PTPRD: variants seen among roughly 807,000 people sequenced by gnomAD.
PTPRD encodes the protein receptor-type tyrosine-protein phosphatase delta.
PTPRD carries 34 observed loss-of-function variants against 214.5 expected under a neutral mutation model. The observed-to-expected ratio is 0.16, with a 90% CI of 0.12 to 0.21. PTPRD has a LOEUF of 0.21. Ranked by LOEUF, PTPRD falls within the 10% of genes least tolerant of loss-of-function variation. PTPRD has a pLI of 1.00. For synonymous variants in PTPRD, 1,128 were observed against 845.7 expected (o/e 1.33, Z -5.79); for missense variants, 2,545 against 2,398.7 (o/e 1.06, Z -1.27).
chr9:10,071,647 G>A (rs1012894814), intron 3 of PTPRD, among the ~76,000 whole-genome samples: 2 of 151,846 alleles, frequency 1.3e-5, no homozygotes, highest in Admixed American at 1.3e-4. Flanking sequence ...AAGGATTGTA[G>A]GTCTAAAAAT....
At chr9:8,408,018 GA>G (rs1424818206) in intron 35 of PTPRD, among the ~76,000 whole-genome samples, 3 of 152,138 alleles carry the variant, frequency 2.0e-5, no homozygotes, top group African/African-American at 7.2e-5. Flanking sequence ...ATATTACTAA[GA>G]CAAAGAGATC....
intron 8 of PTPRD, among the ~76,000 whole-genome samples, chr9:9,433,288 C>G (rs2083940283): frequency 6.6e-6 from 1 of 152,096 alleles, no homozygotes; most frequent in Admixed American, 6.6e-5. Flanking sequence ...AAGTGTTGAT[C>G]TGGGATCAGT....
At chr9:10,363,621 G>A (rs2097439943) in intron 2 of PTPRD, among the ~76,000 whole-genome samples, 1 of 152,082 alleles carries the variant, frequency 6.6e-6, no homozygotes, top group South Asian at 2.1e-4. Context: ...TTAACCATTT[G>A]AAAAGGCAAG....
chr9:9,063,716 T>C (rs1468833419), intron 10 of PTPRD, among the ~76,000 whole-genome samples: 3 of 152,092 alleles, frequency 2.0e-5, no homozygotes, highest in Admixed American at 2.0e-4. Context: ...ACTAGATATG[T>C]TTAAAAGAAA....
chr9:9,929,916 G>A (rs12683380), intron 5 of PTPRD, among the ~76,000 whole-genome samples: 39,383 of 152,062 alleles, frequency 0.26, 5,814 homozygotes, highest in Middle Eastern at 0.46. Context: ...GATTTTGGAT[G>A]ACATGGGTCA....
rs146589803 is a variant in PTPRD, at chr9:8,636,765, C to T, written c.144G>A (p.Thr48=). ...AGACAATTTTAGGTCTTGGGTCTCC[C>T]GTAGCTTGGCAGATGAAAGAGGCAA... ...GGVASFICQA[T]GDPRPKIVWN... The change falls in exon 13 of 46, where the codon ACG becomes ACA. Residue 48 remains threonine, a synonymous_variant. Coordinates refer to ENST00000381196, the MANE Select transcript of PTPRD (RefSeq NM_002839.4). The T allele has an allele frequency of 2.3e-4, 364 of 1,613,966 alleles. 4 individuals carry two copies. The African/African-American group carries it at 4.3e-3, about 19-fold the overall frequency.
In PTPRD at chr9:10,577,216, C is replaced by T. The variant is rs367806273; in HGVS notation, c.-600+35182G>A. Among the ~76,000 whole-genome samples, 212 of 152,170 alleles carry T rather than the reference C, an allele frequency of 1.4e-3. 2 individuals are homozygous for T. Among genetic ancestry groups the T allele is most frequent in the African/African-American group, 4.8e-3 (201 of 41,540 alleles). On this transcript the variant is annotated intron_variant, in intron 2 of 45. Coordinates refer to ENST00000381196, the MANE Select transcript of PTPRD (RefSeq NM_002839.4). Reference sequence around the variant, plus strand: ...TTCCAAGTAAGTTAACTGATATACCCATGCCAAATGAACATTCAAAATGTT... The same window carrying T: ...TTCCAAGTAAGTTAACTGATATACCTATGCCAAATGAACATTCAAAATGTT...
chr9:10,232,174 C>T (rs2099613745), intron 3 of PTPRD, among the ~76,000 whole-genome samples: 2 of 151,780 alleles, frequency 1.3e-5, no homozygotes. Context: ...AGTGCCATGC[C>T]CCTTGAACTT....
At chr9:9,836,005 G>A (rs1565634013) in intron 5 of PTPRD, among the ~76,000 whole-genome samples, 1 of 152,240 alleles carries the variant, frequency 6.6e-6, no homozygotes, top group South Asian at 2.1e-4. Context: ...TATAAAAAGA[G>A]GCTAATTCTT....
intron 3 of PTPRD, among the ~76,000 whole-genome samples, chr9:10,226,139 T>A (rs1375447939): frequency 2.0e-5 from 3 of 151,956 alleles, no homozygotes; most frequent in Non-Finnish European, 2.9e-5. Flanking sequence ...CCCCAATGCA[T>A]GATGGATGGA....
At chr9:10,554,658 T>TC (rs1167697040) in intron 2 of PTPRD, among the ~76,000 whole-genome samples, 2 of 151,912 alleles carry the variant, frequency 1.3e-5, no homozygotes, top group African/African-American at 4.8e-5. Flanking sequence ...TTTTTTAATT[T>TC]TTTTTGTTTT....
chr9:9,738,224 C>T (rs1392168888), intron 6 of PTPRD, among the ~76,000 whole-genome samples: 2 of 151,976 alleles, frequency 1.3e-5, no homozygotes, highest in South Asian at 4.2e-4. Context: ...GCACGTTGTG[C>T]ACATGTACCC....
chr9:9,098,633 G>GA (rs1161624251), intron 10 of PTPRD, among the ~76,000 whole-genome samples: 1 of 152,138 alleles, frequency 6.6e-6, no homozygotes, highest in Admixed American at 6.6e-5. Flanking sequence ...TACTAACGAT[G>GA]AAAAGAATAA....
At chr9:9,139,537 G>A (rs961237642) in intron 10 of PTPRD, among the ~76,000 whole-genome samples, 2 of 152,110 alleles carry the variant, frequency 1.3e-5, no homozygotes, top group Non-Finnish European at 2.9e-5. Flanking sequence ...CATGCTCTGT[G>A]ATACCGCGAC....
chr9:9,431,850 A>C (rs2083270086), intron 8 of PTPRD, among the ~76,000 whole-genome samples: 2 of 141,572 alleles, frequency 1.4e-5, no homozygotes, highest in South Asian at 2.3e-4. Flanking sequence ...GGGAACTGAA[A>C]AATGAGAACA....
intron 9 of PTPRD, among the ~76,000 whole-genome samples, chr9:9,202,056 G>C (rs1353976293): frequency 2.0e-5 from 3 of 152,156 alleles, no homozygotes; most frequent in African/African-American, 7.2e-5. Context: ...CGGAAGATAA[G>C]AAAAGCCTTG....
At chr9:9,768,185 T>G (rs1207715062) in intron 5 of PTPRD, among the ~76,000 whole-genome samples, 1 of 152,164 alleles carries the variant, frequency 6.6e-6, no homozygotes, top group Non-Finnish European at 1.5e-5. Context: ...TCTTGGTTCC[T>G]TGGATAGCTA....
At chr9:9,692,644 T>TC (rs1267620764) in intron 7 of PTPRD, among the ~76,000 whole-genome samples, 1 of 90,774 alleles carries the variant, frequency 1.1e-5, no homozygotes, top group African/African-American at 4.0e-5. Flanking sequence ...TTAAGTTTTT[T>TC]TTTTTTCTAT....
chr9:8,763,268 T>C (rs1350923129), intron 11 of PTPRD, among the ~76,000 whole-genome samples: 1 of 152,084 alleles, frequency 6.6e-6, no homozygotes, highest in African/African-American at 2.4e-5. Flanking sequence ...TCCCAGCACT[T>C]TGGGAGGCCG....
Sources: allele counts gnomAD v4.1 joint callset (sites outside exome capture counted in the v4.1 genomes callset), GRCh38; gene constraint gnomAD v4.1.1; transcripts MANE v1.5; gene names NCBI Gene and HGNC (gene_info 2026-07-23, HGNC 2026-07-21).